MED12L: variants seen among roughly 807,000 people sequenced by gnomAD.
MED12L encodes mediator of RNA polymerase II transcription subunit 12-like protein.
In MED12L, 60 loss-of-function variants were observed where a neutral mutation model predicts 281.3. The ratio of observed to expected loss-of-function variants is 0.21; its 90% CI spans 0.17 to 0.26. MED12L has a LOEUF of 0.26. MED12L is among the 10% of genes least tolerant of loss of function. The pLI is 1.00. For synonymous variants in MED12L, 974 were observed against 987.2 expected (o/e 0.99, Z 0.25); for missense variants, 2,146 against 2,680.9 (o/e 0.80, Z 4.41).
intron 16 of MED12L, among the ~76,000 whole-genome samples, chr3:151,344,807 T>A (rs549246920): frequency 6.6e-6 from 1 of 152,238 alleles, no homozygotes; most frequent in East Asian, 1.9e-4. Context: ...TTAAAAATTC[T>A]ATGATAATTG....
chr3:151,290,323 CTAAGGA>C (rs1744074119), intron 16 of MED12L, among the ~76,000 whole-genome samples: 1 of 92,534 alleles, frequency 1.1e-5, no homozygotes, highest in South Asian at 3.9e-4. Context: ...ATGTGTGTCT[CTAAGGA>C]TGACTTTTTT....
intron 16 of MED12L, among the ~76,000 whole-genome samples, chr3:151,237,930 T>C (rs1301094561): frequency 6.6e-6 from 1 of 152,196 alleles, no homozygotes; most frequent in East Asian, 1.9e-4. Context: ...TAGACTTCTT[T>C]GAATATTGTT....
Position 151,185,470 on chromosome 3 carries a change from C to T in MED12L, c.1626+9C>T, listed in dbSNP as rs1435969740. ...CAGAAATTGAGGCAGAGGTAGGTTC[C>T]ATTTTCTTTCTGCTTGTTGAATGCC... is the stretch of plus-strand genomic sequence containing the variant. On this transcript the variant is annotated intron_variant, in intron 12 of 44. Transcript: ENST00000687756. The T allele has an allele frequency of 6.2e-7, 1 of 1,613,344 alleles. No individual in the cohort carries two copies. Among genetic ancestry groups the T allele is most frequent in the South Asian group, 1.1e-5 (1 of 90,932 alleles).
intron 16 of MED12L, among the ~76,000 whole-genome samples, chr3:151,281,604 C>T (rs1742821339): frequency 6.6e-6 from 1 of 152,028 alleles, no homozygotes; most frequent in Non-Finnish European, 1.5e-5. Flanking sequence ...CAATATTTTC[C>T]TTTTATCTGT....
rs1205775953 is a variant in MED12L at position 151,152,111 on chromosome 3, T to C, written c.557-4050T>C. 9.6e-5 allele frequency among the ~76,000 whole-genome samples: 13 copies of C among 135,588 alleles called. No homozygotes were observed. The South Asian group carries it at 3.0e-3, about 31-fold the overall frequency. The allele number at this position is 135,588 out of a possible 152,430, so 89.0% of individuals were successfully genotyped here. On this transcript the variant is annotated intron_variant, in intron 5 of 44. Transcript: ENST00000687756. Reference sequence around the variant, plus strand: ...TTTTTTTTTTTTTTTTTTTTTTTTTTTTTTTGGAGACAGGGTCTCACTCGG... The same window carrying C: ...TTTTTTTTTTTTTTTTTTTTTTTTTCTTTTTGGAGACAGGGTCTCACTCGG...
chr3:151,104,037 C>T (rs1051991011), intron 2 of MED12L, among the ~76,000 whole-genome samples: 8 of 152,148 alleles, frequency 5.3e-5, no homozygotes, highest in Non-Finnish European at 8.8e-5. Flanking sequence ...GCTCTAGGTA[C>T]GGATGTTAAG....
chr3:151,258,343 AT>A (rs1738216824), intron 16 of MED12L, among the ~76,000 whole-genome samples: 1 of 152,154 alleles, frequency 6.6e-6, no homozygotes, highest in Admixed American at 6.5e-5. Flanking sequence ...TGACAAAATA[AT>A]TTTTAGTACT....
chr3:151,185,526 C>A, intron 12 of MED12L, 65 bp downstream of exon 12: 1 of 1,547,894 alleles, frequency 6.5e-7, no homozygotes, highest in Non-Finnish European at 8.8e-7. Flanking sequence ...TGGGGAAGAT[C>A]ATTTTCTCTT....
intron 16 of MED12L, among the ~76,000 whole-genome samples, chr3:151,292,958 A>G (rs908770252): frequency 2.6e-5 from 4 of 152,210 alleles, no homozygotes; most frequent in African/African-American, 7.2e-5. Flanking sequence ...TAGCTATGCA[A>G]ATGACCAACT....
At chr3:151,282,880 T>G (rs1215090969) in intron 16 of MED12L, among the ~76,000 whole-genome samples, 1 of 152,236 alleles carries the variant, frequency 6.6e-6, no homozygotes. Context: ...CAGACATGCC[T>G]TTTTATGTTT....
In MED12L at chr3:151,086,792, C is replaced by G. The variant is rs757501345; in HGVS notation, c.-129-6C>G. The G allele has an allele frequency of 7.5e-6, 5 of 669,210 alleles. No homozygotes were observed. The East Asian group carries it at 1.5e-4, about 20-fold the overall frequency. 41.5% of individuals were successfully genotyped at this position (669,210 alleles called of 1,614,324 possible). A position where few individuals can be genotyped will look rare whatever the true frequency, so the allele number is the denominator to read the frequency against. On this transcript the variant is annotated splice_polypyrimidine_tract_variant and splice_region_variant and intron_variant, in intron 1 of 44. Transcript: ENST00000687756. ...ATCCAACCTGCTTTATTCCTCCTGC[C>G]TGCAGCGCCACAGCGAGCGAGCGAG... is the stretch of plus-strand genomic sequence containing the variant.
intron 2 of MED12L, among the ~76,000 whole-genome samples, chr3:151,113,288 A>T (rs1329437380): frequency 6.6e-6 from 1 of 152,206 alleles, no homozygotes; most frequent in Non-Finnish European, 1.5e-5. Flanking sequence ...TGATTAGAGA[A>T]TGCTGGGCTG....
At chr3:151,347,563 C>T (rs1450401852) in intron 16 of MED12L, among the ~76,000 whole-genome samples, 2 of 152,104 alleles carry the variant, frequency 1.3e-5, no homozygotes, top group East Asian at 1.9e-4. Flanking sequence ...TTGTACATAG[C>T]ATTTCAGCAA....
At chr3:151,112,148 T>G (rs1285474795) in intron 2 of MED12L, among the ~76,000 whole-genome samples, 2 of 152,304 alleles carry the variant, frequency 1.3e-5, no homozygotes, top group East Asian at 3.9e-4. Flanking sequence ...GTATCACAGT[T>G]TCAAAAAATT....
At chr3:151,263,031 A>G (rs1260736873) in intron 16 of MED12L, among the ~76,000 whole-genome samples, 1 of 152,138 alleles carries the variant, frequency 6.6e-6, no homozygotes, top group East Asian at 1.9e-4. Flanking sequence ...AAAACACTGC[A>G]ATGAATGACT....
chr3:151,208,272 G>A (rs1244820186), intron 16 of MED12L, among the ~76,000 whole-genome samples: 1 of 152,194 alleles, frequency 6.6e-6, no homozygotes, highest in African/African-American at 2.4e-5. Context: ...ATGTTCTCAT[G>A]CAGTCAATAT....
chr3:151,300,218 T>A, intron 16 of MED12L: 19 of 788,990 alleles, frequency 2.4e-5, no homozygotes, highest in Admixed American at 9.9e-5. Flanking sequence ...AAATGAAAAA[T>A]GAGGAAAAAA....
Position 151,102,557 on chromosome 3 carries a change from ACTGCAACCT to A in MED12L, c.100-13778_100-13770del, listed in dbSNP as rs1476122728. Among the ~76,000 whole-genome samples the A allele has an allele frequency of 3.3e-5, 5 of 152,240 alleles. No homozygotes were observed. The East Asian group carries it at 5.8e-4, about 18-fold the overall frequency. On this transcript the variant is annotated intron_variant, in intron 2 of 44. Transcript: ENST00000687756. Reference sequence around the variant, plus strand: ...GGATGTTCTGCAGTGAACATGGTTCACTGCAACCTCTACCTTCTGGGCTCAAGCAATCCT... The same window carrying A: ...GGATGTTCTGCAGTGAACATGGTTCACTACCTTCTGGGCTCAAGCAATCCT...
chr3:151,309,571 T>C (rs1125541), intron 16 of MED12L, among the ~76,000 whole-genome samples: 31,521 of 152,114 alleles, frequency 0.21, 3,512 homozygotes, highest in South Asian at 0.33. Flanking sequence ...TCTTATCTAT[T>C]AGGCAAGCTC....
Sources: gnomAD v4.1 joint callset for allele counts (sites outside exome capture counted in the v4.1 genomes callset) on GRCh38, gnomAD v4.1.1 for gene constraint, MANE v1.5 for transcripts, NCBI Gene and HGNC (gene_info 2026-07-23, HGNC 2026-07-21) for gene names.